The following USP32 variants were observed in gnomAD, a reference collection of about 807,000 sequenced individuals.
USP32 encodes ubiquitin carboxyl-terminal hydrolase 32.
Under a neutral mutation model 204.8 loss-of-function variants are expected in USP32, and 59 were observed. The ratio of observed to expected loss-of-function variants is 0.29; its 90% confidence interval spans 0.23 to 0.36. The LOEUF (loss-of-function observed/expected upper bound fraction) is 0.36, where lower values mean the gene tolerates loss of function less well. Among genes scored for constraint, USP32 ranks in the 10% least tolerant of loss-of-function variants. USP32 has a pLI of 1.00. For missense variants in USP32, 1,160 were observed against 1,946.4 expected, an observed-to-expected ratio of 0.60 and a Z score of 7.60; for synonymous variants, 517 against 678.4, an observed-to-expected ratio of 0.76 and a Z score of 3.70.
At chr17:60,304,168 G>A (rs1333853380) in intron 2 of USP32, among the ~76,000 whole-genome samples, 2 of 151,526 alleles carry the variant, frequency 1.3e-5, no homozygotes, top group African/African-American at 2.4e-5. Context: ...GTTTAAGGCA[G>A]CCAGAAGAAA....
intron 5 of USP32, among the ~76,000 whole-genome samples, chr17:60,282,588 G>A (rs956060557): frequency 1.3e-5 from 2 of 152,096 alleles, no homozygotes; most frequent in Non-Finnish European, 2.9e-5. Context: ...TCTTGACCTC[G>A]TGATCCACCC....
At chr17:60,339,492 A>G (rs1213838611) in intron 2 of USP32, among the ~76,000 whole-genome samples, 1 of 150,802 alleles carries the variant, frequency 6.6e-6, no homozygotes, top group Non-Finnish European at 1.5e-5. Flanking sequence ...CTGAGGCAGG[A>G]GAATTGCTTG....
chr17:60,344,916 A>G lies in USP32; in HGVS notation c.186+565T>C, dbSNP rs557096524. Among the ~76,000 whole-genome samples the G allele has an allele frequency of 6.6e-5, 10 of 152,294 alleles. No homozygotes were observed. The South Asian group carries it at 2.1e-3, about 32-fold the overall frequency. Reference sequence around the variant, plus strand: ...TGGGCTTAAGCAAGCCTCCTATTTCAGCCTCCTGAGTAGCTGGGACTACAG... The same window carrying G: ...TGGGCTTAAGCAAGCCTCCTATTTCGGCCTCCTGAGTAGCTGGGACTACAG... On this transcript the variant is annotated intron_variant, in intron 2 of 33. Coordinates refer to ENST00000300896, the MANE Select transcript of USP32 (RefSeq NM_032582.4).
chr17:60,300,218 G>A (rs866956705), intron 3 of USP32, among the ~76,000 whole-genome samples: 11 of 152,108 alleles, frequency 7.2e-5, no homozygotes, highest in Admixed American at 2.6e-4. Context: ...ACTTCCCCTG[G>A]GAAATCTTCA....
intron 12 of USP32, among the ~76,000 whole-genome samples, chr17:60,228,676 A>G (rs943217775): frequency 5.3e-5 from 8 of 151,762 alleles, no homozygotes; most frequent in Admixed American, 5.3e-4. Context: ...AAAAAAAAAT[A>G]GTGGGGCATG....
chr17:60,292,810 C>T (rs2087316632), intron 4 of USP32, among the ~76,000 whole-genome samples: 1 of 150,990 alleles, frequency 6.6e-6, no homozygotes, highest in African/African-American at 2.4e-5. Flanking sequence ...TATTTTGTTA[C>T]TCCTCTACTC....
At chr17:60,303,531 T>TA (rs59794615) in intron 2 of USP32, among the ~76,000 whole-genome samples, 3,303 of 139,046 alleles carry the variant, frequency 0.024, 128 homozygotes, top group African/African-American at 0.08. Flanking sequence ...CCCTAACCCC[T>TA]AAAAAAAAAA....
intron 2 of USP32, among the ~76,000 whole-genome samples, chr17:60,326,172 G>A (rs2088230820): frequency 1.3e-5 from 2 of 151,750 alleles, no homozygotes; most frequent in East Asian, 3.9e-4. Context: ...AAGTAAATAA[G>A]TAAGATTTAC....
intron 2 of USP32, among the ~76,000 whole-genome samples, chr17:60,315,271 G>A (rs562705636): frequency 6.6e-6 from 1 of 152,134 alleles, no homozygotes; most frequent in Admixed American, 6.5e-5. Context: ...GTGGCGGTGT[G>A]CGCCTGTAGT....
chr17:60,222,330 T>TGA (rs1459284566), intron 15 of USP32, 79 bp downstream of exon 15: 1 of 1,513,200 alleles, frequency 6.6e-7, no homozygotes, highest in African/African-American at 1.4e-5. Flanking sequence ...TTGTGGTTAG[T>TGA]GAGAGTCACA....
At chr17:60,218,105 A>G (rs2085150431) in intron 16 of USP32, among the ~76,000 whole-genome samples, 1 of 152,222 alleles carries the variant, frequency 6.6e-6, no homozygotes, top group African/African-American at 2.4e-5. Flanking sequence ...ATGCTTTGCT[A>G]TAATTACTAC....
chr17:60,291,119 A>C (rs1419585272), intron 4 of USP32, among the ~76,000 whole-genome samples: 1 of 152,224 alleles, frequency 6.6e-6, no homozygotes, highest in Non-Finnish European at 1.5e-5. Context: ...GCCTACTGTT[A>C]TACAGTGGAA....
chr17:60,234,335 G>C (rs1487393272), intron 12 of USP32, among the ~76,000 whole-genome samples: 1 of 150,996 alleles, frequency 6.6e-6, no homozygotes, highest in African/African-American at 2.4e-5. Context: ...GGATGGTCTC[G>C]ATCTCCCGAC....
intron 2 of USP32, among the ~76,000 whole-genome samples, chr17:60,318,393 T>C (rs573529815): frequency 1.3e-5 from 2 of 152,310 alleles, no homozygotes; most frequent in East Asian, 3.9e-4. Flanking sequence ...TAATTCCATC[T>C]AGAGAACAGC....
chr17:60,256,675 G>A, intron 9 of USP32: 2 of 1,095,856 alleles, frequency 1.8e-6, no homozygotes, highest in Non-Finnish European at 2.2e-6. Flanking sequence ...CTGTAGTGTG[G>A]TATCTGTTGC....
intron 13 of USP32, 115 bp downstream of exon 13, chr17:60,225,924 A>T: frequency 8.4e-7 from 1 of 1,196,402 alleles, no homozygotes; most frequent in Non-Finnish European, 1.1e-6. Flanking sequence ...ACTGCGCTCC[A>T]GCCTGGGCAA....
At position 60,192,913 on chromosome 17, in the gene USP32, T is replaced by C. The variant is rs201549863; in HGVS notation, c.3452A>G (p.Tyr1151Cys). The C allele has an allele frequency of 1.1e-5, 18 of 1,613,770 alleles. No homozygotes were observed. The highest frequency in any genetic ancestry group is 1.4e-5 in the Non-Finnish European group (17 of 1,179,764). The stretch of plus-strand genomic sequence containing the variant: ...AACTCGTAGAGTGAATGGATATTGA[T>C]AGCCCATACTGTCGTCACTGAAACA... ...HAQDCDDSMGYQYPFTLRVVQ... is the reference protein window; with the variant it reads ...HAQDCDDSMGCQYPFTLRVVQ... The change falls in exon 28 of 34, where the codon TAT (tyrosine) becomes TGT (cysteine). Residue 1151 changes from tyrosine to cysteine, a missense_variant. Physicochemically the swap from Tyr to Cys is radical, Grantham distance 194. Transcript: ENST00000300896.
chr17:60,314,390 G>A (rs1475063631), intron 2 of USP32, among the ~76,000 whole-genome samples: 1 of 152,036 alleles, frequency 6.6e-6, no homozygotes, highest in Non-Finnish European at 1.5e-5. Context: ...TGATCCACTT[G>A]CTTAGGCCTC....
chr17:60,397,030 T>G (rs950299524), upstream of USP32, among the ~76,000 whole-genome samples: 2 of 152,222 alleles, frequency 1.3e-5, no homozygotes, highest in Non-Finnish European at 2.9e-5. Context: ...CTCCTTGATC[T>G]CTTTACTTCT....
Sources: allele counts gnomAD v4.1 joint callset (sites outside exome capture counted in the v4.1 genomes callset), GRCh38; gene constraint gnomAD v4.1.1; transcripts MANE v1.5; gene names NCBI Gene and HGNC (gene_info 2026-07-23, HGNC 2026-07-21).